GPATCH8: variants seen among roughly 807,000 people sequenced by gnomAD.
The protein encoded by GPATCH8 is G-patch domain containing 8, also known as G patch domain-containing protein 8.
A neutral mutation model predicts 118.3 loss-of-function variants in GPATCH8; 18 were observed. That is an observed-to-expected ratio of 0.15 (90% CI 0.11 to 0.23). The LOEUF is 0.23. Ranked by LOEUF, GPATCH8 falls within the 10% of genes least tolerant of loss-of-function variation. GPATCH8 has a pLI of 1.00. For synonymous variants in GPATCH8, 659 were observed against 684.7 expected, an observed-to-expected ratio of 0.96 and a Z score of 0.59; for missense variants, 1,631 against 1,873.8, an observed-to-expected ratio of 0.87 and a Z score of 2.39.
chr17:44,481,257 C>A (rs1968220305), intron 1 of GPATCH8, among the ~76,000 whole-genome samples: 1 of 152,170 alleles, frequency 6.6e-6, no homozygotes, highest in Admixed American at 6.6e-5. Context: ...TAAAATAGTA[C>A]ACTCAACTTA....
chr17:44,396,370 A>G lies in GPATCH8; in HGVS notation c.*1198T>C. 1 of 454,522 alleles carries G rather than the reference A, an allele frequency of 2.2e-6. No individual in the cohort carries two copies. The highest frequency in any genetic ancestry group is 1.6e-5 in the South Asian group (1 of 64,482). 28.2% of individuals were successfully genotyped at this position (454,522 alleles called of 1,614,324 possible). Reference sequence around the variant, plus strand: ...ATGAGGGAGACTGTTAAAGATGAGCATCCCTCAGAAGCCCCCAGCTGACTG... The same window carrying G: ...ATGAGGGAGACTGTTAAAGATGAGCGTCCCTCAGAAGCCCCCAGCTGACTG... On this transcript the variant is annotated 3_prime_UTR_variant, in exon 8 of 8. Transcript: ENST00000591680.
chr17:44,483,192 TATATATATATATATATATATATATAC>T (rs1968462809), intron 1 of GPATCH8, among the ~76,000 whole-genome samples: 1 of 52,998 alleles, frequency 1.9e-5, no homozygotes, highest in Non-Finnish European at 3.6e-5. Context: ...TATATATATA[TATATATATATATATATATATATATAC>T]AGCCTACCTC....
At chr17:44,500,183 C>T (rs1969953564) in intron 1 of GPATCH8, among the ~76,000 whole-genome samples, 1 of 152,168 alleles carries the variant, frequency 6.6e-6, no homozygotes, top group Non-Finnish European at 1.5e-5. Flanking sequence ...CAGCAGCAGA[C>T]AGAATGGTCA....
At position 44,490,080 on chromosome 17, in the gene GPATCH8, T is replaced by C. The variant is rs112048091; in HGVS notation, c.45+13246A>G. ...CACTTTGGGAAGCCAAGTGGATCTC[T>C]TGAGCCCAGGAGTTCAAGACCAGCT... On this transcript the variant is annotated intron_variant, in intron 1 of 7. Transcript: ENST00000591680. 5.6e-3 allele frequency among the ~76,000 whole-genome samples: 846 copies of C among 152,262 alleles called. 13 individuals are homozygous for C. The highest frequency in any genetic ancestry group is 0.02 in the African/African-American group (816 of 41,544).
intron 3 of GPATCH8, among the ~76,000 whole-genome samples, chr17:44,458,496 CTTTG>C (rs142561334): frequency 3.7e-4 from 56 of 152,078 alleles, no homozygotes; most frequent in African/African-American, 1.3e-3. Context: ...TGTTTGTTGA[CTTTG>C]TTTATGATGA....
At chr17:44,491,232 G>A (rs1006894167) in intron 1 of GPATCH8, among the ~76,000 whole-genome samples, 2 of 151,860 alleles carry the variant, frequency 1.3e-5, no homozygotes, top group Admixed American at 6.6e-5. Context: ...GGCTCATGCC[G>A]GTAATCCCAG....
chr17:44,397,416 C>T lies in GPATCH8; in HGVS notation c.*152G>A. 1.4e-6 allele frequency: 1 copy of T among 709,220 alleles called. No homozygotes were observed. Among genetic ancestry groups the T allele is most frequent in the Non-Finnish European group, 2.6e-6 (1 of 388,756 alleles). The allele number at this position is 709,220 out of a possible 1,614,324, so 43.9% of individuals were successfully genotyped here. On this transcript the variant is annotated 3_prime_UTR_variant, in exon 8 of 8. Transcript: ENST00000591680. ...AGTAAACTGAAAGCAAACTTCAAATCTAAACCCACCCCTGCAAGCCAAAAC... is the reference window on the plus strand; with the variant it reads ...AGTAAACTGAAAGCAAACTTCAAATTTAAACCCACCCCTGCAAGCCAAAAC...
At chr17:44,488,559 C>T (rs1431956288) in intron 1 of GPATCH8, among the ~76,000 whole-genome samples, 1 of 149,146 alleles carries the variant, frequency 6.7e-6, no homozygotes, top group South Asian at 2.2e-4. Context: ...TTAATAGAGA[C>T]GGGGTTTCAC....
At chr17:44,443,325 C>T (rs74528971) in intron 3 of GPATCH8, among the ~76,000 whole-genome samples, 206 of 152,244 alleles carry the variant, frequency 1.4e-3, no homozygotes, top group African/African-American at 4.5e-3. Context: ...TTCAGAAACA[C>T]TGAATAAAAA....
chr17:44,430,399 C>T (rs2050263219), intron 5 of GPATCH8, among the ~76,000 whole-genome samples: 1 of 152,002 alleles, frequency 6.6e-6, no homozygotes. Flanking sequence ...CAATGTAATA[C>T]ACCATTATTA....
In GPATCH8 at chr17:44,398,388, G is replaced by C. The variant is rs758943008; in HGVS notation, c.3689C>G (p.Ser1230Cys). ...GGTTGGGTCCCCAGGGTAGCAGTCA[G>C]AATGTGCTGGGGTGCCTAGTGGAGC... ...PVAPLGTPAHSDCYPGDPTIS... is the reference protein window; with the variant it reads ...PVAPLGTPAHCDCYPGDPTIS... Residue 1230 changes from serine (S) to cysteine (C), a missense_variant, in exon 8 of 8, where the codon TCT becomes TGT. Coordinates refer to ENST00000591680, the MANE Select transcript of GPATCH8 (RefSeq NM_001002909.4). 2.2e-5 allele frequency: 35 copies of C among 1,613,954 alleles called. No individual in the cohort carries two copies. In the South Asian group the frequency reaches 2.9e-4, roughly 13 times the overall value.
intron 6 of GPATCH8, among the ~76,000 whole-genome samples, chr17:44,414,723 C>A (rs1232547239): frequency 6.6e-6 from 1 of 152,136 alleles, no homozygotes; most frequent in Non-Finnish European, 1.5e-5. Flanking sequence ...AACCTCATAC[C>A]CATAAGCAGT....
In GPATCH8 at chr17:44,396,496, T is replaced by C. The variant is rs753425838; in HGVS notation, c.*1072A>G. 6.6e-6 allele frequency: 3 copies of C among 453,624 alleles called. No individual in the cohort carries two copies. The highest frequency in any genetic ancestry group is 3.1e-5 in the South Asian group (2 of 64,322). The allele number at this position is 453,624 out of a possible 1,614,324, so 28.1% of individuals were successfully genotyped here. On this transcript the variant is annotated 3_prime_UTR_variant, in exon 8 of 8. Transcript: ENST00000591680. ...AAATGTTTTAACATTTTATAGTTCA[T>C]AACTTCAAAAAATACATAAGTTTGG... is the stretch of plus-strand genomic sequence containing the variant.
At chr17:44,494,213 C>T (rs1466908346) in intron 1 of GPATCH8, among the ~76,000 whole-genome samples, 1 of 152,122 alleles carries the variant, frequency 6.6e-6, no homozygotes, top group African/African-American at 2.4e-5. Flanking sequence ...ATTGATCCTA[C>T]CAATTTTTCA....
At chr17:44,493,742 A>G (rs1969458799) in intron 1 of GPATCH8, among the ~76,000 whole-genome samples, 1 of 152,222 alleles carries the variant, frequency 6.6e-6, no homozygotes, top group Non-Finnish European at 1.5e-5. Flanking sequence ...AAAGGAAAGA[A>G]CAAAAGAAGT....
At chr17:44,490,326 A>G (rs1969147470) in intron 1 of GPATCH8, among the ~76,000 whole-genome samples, 1 of 152,076 alleles carries the variant, frequency 6.6e-6, no homozygotes, top group South Asian at 2.1e-4. Context: ...ACAAAAAAAG[A>G]AAAAACAAAA....
intron 2 of GPATCH8, 129 bp downstream of exon 2, chr17:44,474,700 G>A: frequency 1.4e-6 from 1 of 707,234 alleles, no homozygotes; most frequent in Non-Finnish European, 2.6e-6. Flanking sequence ...TTACTGTATG[G>A]CATGCAAGAA....
At chr17:44,432,332 G>A (rs976021390) in intron 5 of GPATCH8, among the ~76,000 whole-genome samples, 2 of 152,126 alleles carry the variant, frequency 1.3e-5, no homozygotes, top group Non-Finnish European at 2.9e-5. Context: ...CTACCTGATG[G>A]TCCAAATTCT....
intron 1 of GPATCH8, among the ~76,000 whole-genome samples, chr17:44,499,660 AAAC>A (rs1488004293): frequency 6.6e-6 from 1 of 152,226 alleles, no homozygotes; most frequent in Non-Finnish European, 1.5e-5. Flanking sequence ...ATCACTGTAC[AAAC>A]AAAACTTTCT....
Sources: gnomAD v4.1 joint callset for allele counts (sites outside exome capture counted in the v4.1 genomes callset) on GRCh38, gnomAD v4.1.1 for gene constraint, MANE v1.5 for transcripts, NCBI Gene and HGNC (gene_info 2026-07-23, HGNC 2026-07-21) for gene names.